The following SEMA6A variants were observed in gnomAD, a reference collection of about 807,000 sequenced individuals.
The protein encoded by SEMA6A is semaphorin-6A.
In SEMA6A, 25 loss-of-function variants were observed where a neutral mutation model predicts 96.8. The ratio of observed to expected loss-of-function variants is 0.26; its 90% CI spans 0.19 to 0.36. The LOEUF (loss-of-function observed/expected upper bound fraction) is 0.36. Ranked by LOEUF, SEMA6A falls within the 10% of genes least tolerant of loss-of-function variation. SEMA6A has a pLI of 1.00. For synonymous variants in SEMA6A, 612 were observed against 518.0 expected (o/e 1.18, Z -2.46); for missense variants, 1,363 against 1,323.1 (o/e 1.03, Z -0.47).
intron 1 of SEMA6A, among the ~76,000 whole-genome samples, chr5:116,555,705 C>T (rs1174067149): frequency 2.0e-5 from 3 of 151,842 alleles, no homozygotes; most frequent in African/African-American, 7.3e-5. Context: ...TATCCAGGCT[C>T]GGTGTGCACC....
rs554906908 is a variant in SEMA6A at position 116,573,413 on chromosome 5, G to T, written c.-39+772C>A. Among the ~76,000 whole-genome samples the T allele has an allele frequency of 5.4e-5, 8 of 147,106 alleles. No homozygotes were observed. The South Asian group carries it at 1.7e-3, about 31-fold the overall frequency. The stretch of plus-strand genomic sequence containing the variant: ...TTCAGGAGGGACGCAGCCGCGACGG[G>T]CTATATCCTTGCCGCTCGGGTTGGG... On this transcript the variant is annotated intron_variant, in intron 1 of 18. Transcript: ENST00000343348.
intron 1 of SEMA6A, among the ~76,000 whole-genome samples, chr5:116,537,936 G>A (rs541337226): frequency 1.3e-5 from 2 of 152,234 alleles, no homozygotes; most frequent in South Asian, 2.1e-4. Flanking sequence ...CAGCACTTTG[G>A]GAGGCCGAGG....
chr5:116,471,409 G>A (rs968080911), intron 17 of SEMA6A: 9 of 152,138 alleles, frequency 5.9e-5, no homozygotes, highest in Non-Finnish European at 1.3e-4. Flanking sequence ...TGAATGCTGG[G>A]GAGGTTGCTG....
At position 116,574,374 on chromosome 5, in the gene SEMA6A, G is replaced by A. The variant is rs1761374806; in HGVS notation, c.-228C>T. 6.6e-6 allele frequency: 1 copy of A among 152,204 alleles called. No homozygotes were observed. Among genetic ancestry groups the A allele is most frequent in the Non-Finnish European group, 1.5e-5 (1 of 67,946 alleles). The allele number at this position is 152,204 out of a possible 1,614,324, so 9.4% of individuals were successfully genotyped here. On this transcript the variant is annotated 5_prime_UTR_variant, in exon 1 of 19. Transcript: ENST00000343348. ...GAAATAGTCGCGGCGACTACTTTCT[G>A]GGATGCAAACGCGATGTGTTCATCT...
At chr5:116,467,835 G>A in intron 17 of SEMA6A, 88 bp from the exon 18 acceptor site, 1 of 1,411,698 alleles carries the variant, frequency 7.1e-7, no homozygotes, top group South Asian at 1.3e-5. Flanking sequence ...GGACACCCAA[G>A]CTGGCTGTAA....
intron 18 of SEMA6A, among the ~76,000 whole-genome samples, chr5:116,453,918 C>T (rs1431766092): frequency 2.6e-5 from 4 of 152,158 alleles, no homozygotes; most frequent in Non-Finnish European, 4.4e-5. Flanking sequence ...ATTAATCACA[C>T]CTATTAAGCT....
chr5:116,535,982 A>G (rs1174509804), intron 1 of SEMA6A, among the ~76,000 whole-genome samples: 10 of 152,216 alleles, frequency 6.6e-5, no homozygotes, highest in Non-Finnish European at 2.9e-5. Flanking sequence ...ACTCAATTCT[A>G]CTGACTCAAA....
chr5:116,447,488 T>C lies in SEMA6A; in HGVS notation c.2218A>G (p.Lys740Glu). 1 of 1,614,074 alleles carries C rather than the reference T, an allele frequency of 6.2e-7. No homozygotes were observed. The highest frequency in any genetic ancestry group is 1.1e-5 in the South Asian group (1 of 91,088). ...TGCTGGTCTGCTTTAATGAGCATCT[T>C]GGCCGTGTTGCCGGGAGTGGCGAGC... ...GKLATPGNTAKMLIKADQHHL... is the reference protein window; with the variant it reads ...GKLATPGNTAEMLIKADQHHL... The change falls in exon 19 of 19, where the codon AAG becomes GAG. Residue 740 changes from lysine to glutamate, a missense_variant. Physicochemically the swap from Lys to Glu is moderately conservative, Grantham distance 56 (BLOSUM62 1). Around this residue, in one of 2 missense-constraint regions of SEMA6A, gnomAD observed 883 missense variants for 763.6 expected, o/e 1.16. Transcript: ENST00000343348.
chr5:116,450,544 C>A (rs1580438984), intron 18 of SEMA6A, among the ~76,000 whole-genome samples: 1 of 152,290 alleles, frequency 6.6e-6, no homozygotes, highest in Non-Finnish European at 1.5e-5. Flanking sequence ...TCTTTCATGT[C>A]TGAAGGTCCT....
At chr5:116,500,904 G>A (rs139510225) in intron 3 of SEMA6A, among the ~76,000 whole-genome samples, 1,929 of 152,290 alleles carry the variant, frequency 0.013, 18 homozygotes, top group South Asian at 0.021. Context: ...TACTCAGGAG[G>A]CTGAGGCAGG....
At chr5:116,514,439 A>C (rs1053116778) in intron 1 of SEMA6A, among the ~76,000 whole-genome samples, 6 of 152,148 alleles carry the variant, frequency 3.9e-5, no homozygotes, top group Non-Finnish European at 8.8e-5. Flanking sequence ...GTGTCTGTTC[A>C]TGTCCTTTAC....
chr5:116,485,739 T>C (rs1321062430), intron 10 of SEMA6A, among the ~76,000 whole-genome samples: 1 of 152,164 alleles, frequency 6.6e-6, no homozygotes, highest in Non-Finnish European at 1.5e-5. Flanking sequence ...CAAAACAGTA[T>C]TACTAGAGGA....
Position 116,444,766 on chromosome 5 carries a change from C to G in SEMA6A, c.*1847G>C. 6.6e-6 allele frequency: 1 copy of G among 152,296 alleles called. No individual in the cohort carries two copies. The highest frequency in any genetic ancestry group is 1.9e-4 in the East Asian group (1 of 5,196). The allele number at this position is 152,296 out of a possible 1,614,324, so 9.4% of individuals were successfully genotyped here. The stretch of plus-strand genomic sequence containing the variant: ...GTTACTCGTTAATCACAGCAGGGAC[C>G]AGCCTGCCTGCATCTATTTCCATGT... On this transcript the variant is annotated 3_prime_UTR_variant, in exon 19 of 19. Transcript: ENST00000343348.
intron 1 of SEMA6A, among the ~76,000 whole-genome samples, chr5:116,516,880 G>A (rs922376974): frequency 2.0e-5 from 3 of 152,244 alleles, no homozygotes; most frequent in East Asian, 1.9e-4. Context: ...CAGGGTCACC[G>A]CACAAACAGA....
chr5:116,487,385 A>G (rs1469916530), intron 9 of SEMA6A, among the ~76,000 whole-genome samples: 5 of 151,990 alleles, frequency 3.3e-5, no homozygotes, highest in Admixed American at 2.6e-4. Flanking sequence ...ACCTTGATCT[A>G]CTCTCTGGTA....
chr5:116,502,131 A>G (rs1757912656), intron 3 of SEMA6A, 79 bp downstream of exon 3: 7 of 1,085,606 alleles, frequency 6.4e-6, no homozygotes, highest in Non-Finnish European at 9.7e-6. Flanking sequence ...AAGATCTTAA[A>G]AATAATGCAT....
intron 1 of SEMA6A, among the ~76,000 whole-genome samples, chr5:116,536,001 G>T (rs531636535): frequency 6.6e-6 from 1 of 152,288 alleles, no homozygotes; most frequent in African/African-American, 2.4e-5. Flanking sequence ...AAAGGAAATG[G>T]TTTCAGATAA....
intron 1 of SEMA6A, among the ~76,000 whole-genome samples, chr5:116,558,796 T>A (rs1401287033): frequency 6.6e-6 from 1 of 152,224 alleles, no homozygotes; most frequent in Non-Finnish European, 1.5e-5. Context: ...AACAACACAA[T>A]TTAAGCGTTA....
chr5:116,557,713 A>G (rs936148486), intron 1 of SEMA6A, among the ~76,000 whole-genome samples: 4 of 152,196 alleles, frequency 2.6e-5, no homozygotes, highest in African/African-American at 9.7e-5. Flanking sequence ...CATCAAGAGC[A>G]CTGGTGATGT....
Sources: gnomAD v4.1 joint callset for allele counts (sites outside exome capture counted in the v4.1 genomes callset) on GRCh38, gnomAD v4.1.1 for gene constraint, gnomAD v4.1.1 regional missense constraint, MANE v1.5 for transcripts, NCBI Gene and HGNC (gene_info 2026-07-23, HGNC 2026-07-21) for gene names.